EFHC1: variants seen among roughly 807,000 people sequenced by gnomAD.
EFHC1 encodes the protein EF-hand domain-containing protein 1.
A neutral mutation model predicts 69.9 loss-of-function variants in EFHC1; 53 were observed. The observed-to-expected ratio is 0.76, with a 90% CI of 0.61 to 0.95. EFHC1 has a LOEUF of 0.95. Among genes scored for constraint, EFHC1 ranks in the 40% least tolerant of loss-of-function variants. EFHC1 has a pLI of 0.00. For missense variants in EFHC1, 739 were observed against 798.7 expected, an observed-to-expected ratio of 0.93 and a Z score of 0.90; for synonymous variants, 256 against 278.4, an observed-to-expected ratio of 0.92 and a Z score of 0.80.
intron 2 of EFHC1, among the ~76,000 whole-genome samples, chr6:52,426,211 C>T (rs930128302): frequency 2.6e-5 from 4 of 152,152 alleles, no homozygotes; most frequent in African/African-American, 9.7e-5. Context: ...TGACTTCTCC[C>T]TACCCACAGC....
chr6:52,488,226 C>T (rs1252975119), intron 9 of EFHC1: 2 of 152,170 alleles, frequency 1.3e-5, no homozygotes, highest in East Asian at 3.8e-4. Flanking sequence ...ACTAAAATAG[C>T]TCCCTGGTGG....
chr6:52,437,639 CA>C (rs1171938436), intron 2 of EFHC1: 1 of 152,342 alleles, frequency 6.6e-6, no homozygotes, highest in Admixed American at 6.5e-5. Context: ...GGCTTGCATA[CA>C]GCGGTCTTCT....
At chr6:52,483,069 C>G (rs965256025) in intron 9 of EFHC1, 8 of 386,440 alleles carry the variant, frequency 2.1e-5, no homozygotes, top group African/African-American at 1.2e-4. Context: ...GACTAGTCAC[C>G]AACAGACTTT....
chr6:52,481,665 G>C (rs1238734005), intron 9 of EFHC1: 2 of 152,284 alleles, frequency 1.3e-5, no homozygotes, highest in South Asian at 2.1e-4. Flanking sequence ...AACTACAGGT[G>C]TACACCACTA....
chr6:52,491,594 C>A (rs538207509), intron 10 of EFHC1, among the ~76,000 whole-genome samples: 37 of 152,304 alleles, frequency 2.4e-4, no homozygotes, highest in African/African-American at 8.9e-4. Context: ...GGCAGACTGC[C>A]ACGGTTACTT....
At chr6:52,491,875 C>T (rs1262194645) in intron 10 of EFHC1, among the ~76,000 whole-genome samples, 4 of 152,152 alleles carry the variant, frequency 2.6e-5, no homozygotes, top group Non-Finnish European at 5.9e-5. Flanking sequence ...TCACAAGAAA[C>T]ACTTGTGCCT....
intron 2 of EFHC1, among the ~76,000 whole-genome samples, chr6:52,436,922 G>T (rs902361314): frequency 6.6e-6 from 1 of 152,146 alleles, no homozygotes; most frequent in African/African-American, 2.4e-5. Flanking sequence ...GATTACAGGC[G>T]TAAGCCACCA....
At chr6:52,444,736 T>G (rs913490797) in intron 3 of EFHC1, among the ~76,000 whole-genome samples, 1 of 152,202 alleles carries the variant, frequency 6.6e-6, no homozygotes, top group African/African-American at 2.4e-5. Context: ...TCAGGGATAT[T>G]GGTCTAAAAT....
rs540732861 is a variant in EFHC1 at position 52,492,868 on chromosome 6, C to T, written c.*527C>T. 224 of 452,050 alleles carry T rather than the reference C, an allele frequency of 5.0e-4. No homozygotes were observed. The highest frequency in any genetic ancestry group is 8.9e-4 in the Non-Finnish European group (202 of 225,776). 28.0% of individuals were successfully genotyped at this position (452,050 alleles called of 1,614,324 possible). A position where few individuals can be genotyped will look rare whatever the true frequency, so the allele number is the denominator to read the frequency against. ...ATGAGCTCCAGAAATTCTCCCACCT[C>T]AGCCTCCAAAAGTGCTGGGATTATA... On this transcript the variant is annotated 3_prime_UTR_variant, in exon 11 of 11. Transcript: ENST00000371068.
chr6:52,488,031 A>C (rs1391487315), intron 9 of EFHC1: 1 of 152,248 alleles, frequency 6.6e-6, no homozygotes, highest in African/African-American at 2.4e-5. Context: ...TCTTGCTCAA[A>C]GGCAGCAGAT....
chr6:52,473,549 G>A (rs948306074), intron 7 of EFHC1, among the ~76,000 whole-genome samples: 1 of 152,194 alleles, frequency 6.6e-6, no homozygotes, highest in Non-Finnish European at 1.5e-5. Context: ...GGGAGACCAA[G>A]GTGGGCAGAC....
At chr6:52,452,916 T>A in intron 4 of EFHC1, 79 bp downstream of exon 4, 1 of 1,607,768 alleles carries the variant, frequency 6.2e-7, no homozygotes, top group Non-Finnish European at 8.5e-7. Context: ...TTTGGGTAGC[T>A]GTATTGGTAA....
intron 9 of EFHC1, 23 bp downstream of exon 9, chr6:52,479,810 T>G (rs1448950509): frequency 6.2e-7 from 1 of 1,613,218 alleles, no homozygotes; most frequent in African/African-American, 1.3e-5. Flanking sequence ...TTGCTAGGGT[T>G]TGGCACACTC....
intron 9 of EFHC1, chr6:52,480,141 A>G (rs764399340): frequency 1.4e-5 from 7 of 490,070 alleles, no homozygotes; most frequent in Non-Finnish European, 2.2e-5. Context: ...ATTAACACAT[A>G]TTTTCTGTCA....
At chr6:52,442,764 A>G (rs1284206607) in intron 3 of EFHC1, among the ~76,000 whole-genome samples, 1 of 152,210 alleles carries the variant, frequency 6.6e-6, no homozygotes, top group Admixed American at 6.5e-5. Context: ...ATATGTGTGC[A>G]TGTGACTTTA....
chr6:52,492,183 G>A (rs1161978882), intron 10 of EFHC1, 87 bp from the exon 11 acceptor site: 1 of 1,173,606 alleles, frequency 8.5e-7, no homozygotes, highest in Non-Finnish European at 1.3e-6. Context: ...CAAAGGCTCG[G>A]GATCATTATG....
At chr6:52,453,012 T>C (rs780040619) in intron 4 of EFHC1, 175 bp downstream of exon 4, 1 of 1,539,762 alleles carries the variant, frequency 6.5e-7, no homozygotes, top group South Asian at 1.2e-5. Flanking sequence ...GGTACAGGAA[T>C]GCCTACATTT....
chr6:52,487,608 G>A (rs1765813412), intron 9 of EFHC1: 2 of 151,926 alleles, frequency 1.3e-5, no homozygotes, highest in Non-Finnish European at 2.9e-5. Context: ...CCTTCTTTTT[G>A]CTTATCTGTC....
At chr6:52,467,237 A>C (rs995012799) in intron 6 of EFHC1, among the ~76,000 whole-genome samples, 1 of 148,250 alleles carries the variant, frequency 6.7e-6, no homozygotes, top group African/African-American at 2.5e-5. Flanking sequence ...GCTGGAGTGC[A>C]GTGGTGCAGT....
Sources: allele counts gnomAD v4.1 joint callset (sites outside exome capture counted in the v4.1 genomes callset), GRCh38; gene constraint gnomAD v4.1.1; transcripts MANE v1.5; gene names NCBI Gene and HGNC (gene_info 2026-07-23, HGNC 2026-07-21).